FALEC: variants seen among roughly 807,000 people sequenced by gnomAD.
FALEC encodes the protein focally amplified lncRNA regulator of ECM1.
chr1:150,523,481 C>G, the FALEC span, among the ~76,000 whole-genome samples: 2 of 150,532 alleles, frequency 1.3e-5, no homozygotes, highest in East Asian at 4.0e-4. Flanking sequence ...ATGGTGAAAC[C>G]CTGTCTCTAC....
the FALEC span, among the ~76,000 whole-genome samples, chr1:150,533,036 A>G: frequency 6.6e-6 from 1 of 152,254 alleles, no homozygotes; most frequent in Non-Finnish European, 1.5e-5. Context: ...TAAAGAACAG[A>G]GAGGCCAGTG....
downstream of FALEC, among the ~76,000 whole-genome samples, chr1:150,522,931 ATATG>A (rs1343112195): frequency 1.1e-3 from 14 of 12,602 alleles, no homozygotes; most frequent in Admixed American, 2.6e-3. Context: ...ATATACATAT[ATATG>A]TGTGTGTGTG....
the FALEC span, among the ~76,000 whole-genome samples, chr1:150,530,928 C>T: frequency 1.3e-5 from 2 of 152,208 alleles, no homozygotes; most frequent in Non-Finnish European, 2.9e-5. Context: ...ATATGCAGTT[C>T]TCAGGAACAA....
the FALEC span, among the ~76,000 whole-genome samples, chr1:150,534,693 T>A: frequency 2.0e-5 from 3 of 151,742 alleles, no homozygotes; most frequent in Admixed American, 1.3e-4. Context: ...AATACAAAAA[T>A]TTGCTGGGTG....
chr1:150,528,549 G>T, the FALEC span, among the ~76,000 whole-genome samples: 3 of 151,686 alleles, frequency 2.0e-5, no homozygotes, highest in Non-Finnish European at 4.4e-5. Flanking sequence ...TCCCTGAGTG[G>T]TCCTCATCAC....
downstream of FALEC, among the ~76,000 whole-genome samples, chr1:150,518,233 T>C (rs1002731675): frequency 1.3e-5 from 2 of 152,200 alleles, no homozygotes; most frequent in Non-Finnish European, 2.9e-5. Context: ...ACCCTCCAAC[T>C]ATTCTTCTTC....
the FALEC span, among the ~76,000 whole-genome samples, chr1:150,532,158 C>T: frequency 6.6e-6 from 1 of 152,212 alleles, no homozygotes; most frequent in Non-Finnish European, 1.5e-5. Context: ...CCACCTGCCT[C>T]GGCCTCCCAA....
chr1:150,521,094 C>T (rs1054535142), downstream of FALEC, among the ~76,000 whole-genome samples: 1 of 152,112 alleles, frequency 6.6e-6, no homozygotes, highest in Admixed American at 6.5e-5. Flanking sequence ...AGCCACCACG[C>T]CCGGCCTCAT....
At chr1:150,526,474 C>A in the FALEC span, among the ~76,000 whole-genome samples, 1 of 151,778 alleles carries the variant, frequency 6.6e-6, no homozygotes, top group Non-Finnish European at 1.5e-5. Context: ...GCTGGGAGTA[C>A]ATGCTTGAGC....
the FALEC span, among the ~76,000 whole-genome samples, chr1:150,525,992 G>T: frequency 6.6e-6 from 1 of 152,034 alleles, no homozygotes; most frequent in Non-Finnish European, 1.5e-5. Context: ...TTTTTTGTTT[G>T]GTTTCTTTCA....
In FALEC at chr1:150,517,370, G is replaced by A. The variant is rs184734027; in HGVS notation, n.307-403G>A. 3.9e-5 allele frequency among the ~76,000 whole-genome samples: 6 copies of A among 152,042 alleles called. No homozygotes were observed. In the East Asian group the frequency reaches 9.7e-4, roughly 25 times the overall value. On this transcript the variant is annotated intron_variant and non_coding_transcript_variant, in intron 1 of 1. Transcript: ENST00000416894. ...TTTTTTAAAAGCTCTTCAGGAGATA[G>A]GGTTGAGAGAACCTGTTTGCTGGTG...
At chr1:150,520,118 C>T (rs1178728787), downstream of FALEC, among the ~76,000 whole-genome samples, 1 of 152,030 alleles carries the variant, frequency 6.6e-6, no homozygotes, top group East Asian at 1.9e-4. Flanking sequence ...CATTGCATTC[C>T]AGCCTGGGCA....
chr1:150,534,845 A>G, the FALEC span, among the ~76,000 whole-genome samples: 1 of 151,612 alleles, frequency 6.6e-6, no homozygotes, highest in East Asian at 1.9e-4. Flanking sequence ...TGTCTCAAAA[A>G]AAAAAAAAAA....
At chr1:150,530,550 G>A in the FALEC span, among the ~76,000 whole-genome samples, 7 of 152,204 alleles carry the variant, frequency 4.6e-5, no homozygotes, top group South Asian at 4.2e-4. Context: ...TTATTATTGC[G>A]ATTTTTACTG....
At chr1:150,522,878 T>TATATATACGTATATATATATATAC (rs1553907913), downstream of FALEC, among the ~76,000 whole-genome samples, 1 of 92,956 alleles carries the variant, frequency 1.1e-5, no homozygotes, top group Admixed American at 1.2e-4. Context: ...TATATATACA[T>TATATATACGTATATATATATATAC]ATATATATAC....
chr1:150,523,285 G>T, the FALEC span, among the ~76,000 whole-genome samples: 2 of 149,186 alleles, frequency 1.3e-5, no homozygotes, highest in African/African-American at 4.9e-5. Flanking sequence ...GAGCCACTGC[G>T]CCTGGCATAT....
At chr1:150,524,076 A>G in the FALEC span, among the ~76,000 whole-genome samples, 1 of 152,216 alleles carries the variant, frequency 6.6e-6, no homozygotes, top group South Asian at 2.1e-4. Context: ...CTCATTTTGG[A>G]CATTTGGCCT....
chr1:150,518,281 G>A (rs1297637714), downstream of FALEC, among the ~76,000 whole-genome samples: 1 of 151,976 alleles, frequency 6.6e-6, no homozygotes, highest in Non-Finnish European at 1.5e-5. Context: ...CAACTGTTTA[G>A]TCAGTTGTTT....
At chr1:150,524,993 T>C in the FALEC span, among the ~76,000 whole-genome samples, 1 of 114,108 alleles carries the variant, frequency 8.8e-6, no homozygotes, top group African/African-American at 3.5e-5. Context: ...AAACCCTGTC[T>C]TGAAAAAAAA....
Sources: gnomAD v4.1 joint callset for allele counts (sites outside exome capture counted in the v4.1 genomes callset) on GRCh38, gnomAD v4.1.1 for gene constraint, MANE v1.5 for transcripts, NCBI Gene and HGNC (gene_info 2026-07-23, HGNC 2026-07-21) for gene names.